The following CLCN6 variants were observed in gnomAD, a reference collection of about 807,000 sequenced individuals.
CLCN6 encodes the protein Cl-/H+ antiporter 6, also known as H(+)/Cl(-) exchange transporter 6.
A neutral mutation model predicts 109.8 loss-of-function variants in CLCN6; 70 were observed. The observed-to-expected ratio is 0.64, with a 90% CI of 0.53 to 0.78. The LOEUF (loss-of-function observed/expected upper bound fraction) is 0.78, where lower values mean the gene tolerates loss of function less well. Ranked by LOEUF, CLCN6 falls within the 30% of genes least tolerant of loss-of-function variation. The probability of loss-of-function intolerance (pLI) is 0.00; values close to 1 mark genes in which losing one functional copy is unlikely to be tolerated. For missense variants in CLCN6, 984 were observed against 1,142.3 expected, an observed-to-expected ratio of 0.86 and a Z score of 2.00; for synonymous variants, 444 against 447.8, an observed-to-expected ratio of 0.99 and a Z score of 0.11.
intron 5 of CLCN6, chr1:11,820,439 T>C: frequency 1.4e-6 from 1 of 711,646 alleles, no homozygotes. Context: ...GGGAATAATT[T>C]CTTAAAACTC....
At chr1:11,829,014 A>G (rs1644848216) in intron 12 of CLCN6, among the ~76,000 whole-genome samples, 182 bp from the exon 13 acceptor site, 1 of 152,210 alleles carries the variant, frequency 6.6e-6, no homozygotes, top group Non-Finnish European at 1.5e-5. Context: ...TCCACTTTTT[A>G]CAAACAAATT....
At chr1:11,808,235 GT>G (rs2100599445) in intron 2 of CLCN6, among the ~76,000 whole-genome samples, 1 of 110,552 alleles carries the variant, frequency 9.0e-6, no homozygotes, top group Non-Finnish European at 1.9e-5. Flanking sequence ...GTTTGTGTGT[GT>G]GTGTGTGTGT....
chr1:11,829,793 C>T (rs1350889827), intron 13 of CLCN6: 1 of 165,748 alleles, frequency 6.0e-6, no homozygotes, highest in Non-Finnish European at 1.3e-5. Flanking sequence ...TGGGAACAAC[C>T]CTGGCATCAC....
In CLCN6 at chr1:11,842,568, T is replaced by C. The variant is rs907795729; in HGVS notation, c.*2345T>C. On this transcript the variant is annotated 3_prime_UTR_variant, in exon 23 of 23. Coordinates refer to ENST00000346436, the MANE Select transcript of CLCN6 (RefSeq NM_001286.5). ...ACCCATTAGCAGCCCCATCACCCAG[T>C]GATCAGTCGCCTCAGTAAAGCAGAT... 1.3e-5 allele frequency: 2 copies of C among 152,720 alleles called. No individual in the cohort carries two copies. Among genetic ancestry groups the C allele is most frequent in the African/African-American group, 4.8e-5 (2 of 41,458 alleles). The allele number at this position is 152,720 out of a possible 1,614,324, so 9.5% of individuals were successfully genotyped here.
At chr1:11,827,422 C>T (rs933371330) in intron 10 of CLCN6, among the ~76,000 whole-genome samples, 8 of 142,176 alleles carry the variant, frequency 5.6e-5, no homozygotes, top group Non-Finnish European at 7.9e-5. Flanking sequence ...CAAATCAAAC[C>T]GCTGTTACTT....
Position 11,806,338 on chromosome 1 carries a change from C to G in CLCN6, c.76C>G (p.Pro26Ala). Residue 26 changes from proline to alanine, a missense_variant, in exon 1 of 23, where the codon CCC (proline) becomes GCC (alanine). Transcript: ENST00000346436. ...CTGCGGTGAGCGTGAGACCCGCACC[C>G]CCGAGGAGCTGGTAAGAAGCCGGCG... is the stretch of plus-strand genomic sequence containing the variant. Reference protein sequence around the residue: ...CCCGERETRTPEELTILGETQ... With the variant: ...CCCGERETRTAEELTILGETQ... The G allele has an allele frequency of 6.6e-7, 1 of 1,516,730 alleles. No individual in the cohort carries two copies. The highest frequency in any genetic ancestry group is 8.7e-7 in the Non-Finnish European group (1 of 1,143,766). 94.0% of individuals were successfully genotyped at this position (1,516,730 alleles called of 1,614,324 possible).
At chr1:11,828,024 A>G in intron 10 of CLCN6, 82 bp from the exon 11 acceptor site, 1 of 990,940 alleles carries the variant, frequency 1.0e-6, no homozygotes, top group African/African-American at 1.6e-5. Flanking sequence ...TGCGTAGAGC[A>G]GTGGGTACCA....
chr1:11,811,383 A>ATT (rs1208240536), intron 2 of CLCN6, among the ~76,000 whole-genome samples: 2 of 146,950 alleles, frequency 1.4e-5, no homozygotes, highest in African/African-American at 2.5e-5. Flanking sequence ...TCCTACAGTC[A>ATT]ATTTTTTTTT....
chr1:11,827,245 C>T (rs749613712), intron 10 of CLCN6, 24 bp downstream of exon 10: 221 of 1,600,316 alleles, frequency 1.4e-4, no homozygotes, highest in Middle Eastern at 1.1e-3. Context: ...TCAGTGAAAG[C>T]ATTAACCACA....
chr1:11,806,612 GAA>G (rs1644515587), intron 1 of CLCN6: 2 of 455,360 alleles, frequency 4.4e-6, no homozygotes, highest in African/African-American at 4.1e-5. Flanking sequence ...ATTTCCATCT[GAA>G]AAGAGTTTGG....
Position 11,834,748 on chromosome 1 carries a change from C to T in CLCN6, c.1793+158C>T, listed in dbSNP as rs1408720805. 2.0e-5 allele frequency among the ~76,000 whole-genome samples: 3 copies of T among 152,132 alleles called. No homozygotes were observed. In the South Asian group the frequency reaches 6.2e-4, roughly 31 times the overall value. On this transcript the variant is annotated intron_variant, in intron 17 of 22. Coordinates refer to ENST00000346436, the MANE Select transcript of CLCN6 (RefSeq NM_001286.5). This position sits in a 1 kb window ranked among gnomAD's most constrained non-coding sequence, Gnocchi z 4.5. ...GCATGTGTGAGAATGTGGAGCAGCC[C>T]ATGGGCTGGGGGCTGCGGGGGCAGG...
chr1:11,806,273 G>A lies in CLCN6; in HGVS notation c.11G>A (p.Cys4Tyr). ...CAGTAAAGGAGGAAGATGGCGGGGT[G>A]CAGGGGGTCTCTGTGCTGCTGCTGC... MAGCRGSLCCCCRW... is the reference protein window; with the variant it reads MAGYRGSLCCCCRW... The change falls in exon 1 of 23, where the codon TGC becomes TAC. Residue 4 changes from cysteine to tyrosine, a missense_variant. By Grantham distance (194) the Cys-to-Tyr change is radical (BLOSUM62 -2). Transcript: ENST00000346436. 6.7e-7 allele frequency: 1 copy of A among 1,487,974 alleles called. No homozygotes were observed. The highest frequency in any genetic ancestry group is 8.9e-7 in the Non-Finnish European group (1 of 1,126,694). 92.2% of individuals were successfully genotyped at this position (1,487,974 alleles called of 1,614,324 possible).
chr1:11,826,080 C>A, intron 8 of CLCN6, 76 bp from the exon 9 acceptor site: 4 of 994,862 alleles, frequency 4.0e-6, no homozygotes, highest in Non-Finnish European at 6.1e-6. Flanking sequence ...TTTTTTTTTT[C>A]CATAATTACT....
intron 2 of CLCN6, among the ~76,000 whole-genome samples, chr1:11,810,258 C>T (rs1190709326): frequency 6.6e-6 from 1 of 152,170 alleles, no homozygotes; most frequent in Non-Finnish European, 1.5e-5. Context: ...ATGTTAGAAT[C>T]CCATTTTGAC....
At chr1:11,809,828 G>T (rs1644575316) in intron 2 of CLCN6, among the ~76,000 whole-genome samples, 1 of 152,226 alleles carries the variant, frequency 6.6e-6, no homozygotes, top group Non-Finnish European at 1.5e-5. Flanking sequence ...CCATCTTCAA[G>T]AATGAGCTTC....
rs1644977586 is a variant in CLCN6, at chr1:11,838,449, A to C, written c.2403+7A>C. 6.2e-7 allele frequency: 1 copy of C among 1,614,056 alleles called. No individual in the cohort carries two copies. Among genetic ancestry groups the C allele is most frequent in the Non-Finnish European group, 8.5e-7 (1 of 1,179,940 alleles). ...CAACCCGCGCATGATCGTGGTGAGA[A>C]GGGCTGCCCCGGCCTGTCCCATGCG... On this transcript the variant is annotated splice_region_variant and intron_variant, in intron 21 of 22. Coordinates refer to ENST00000346436, the MANE Select transcript of CLCN6 (RefSeq NM_001286.5).
At chr1:11,816,565 T>C in intron 3 of CLCN6, 50 bp from the exon 4 acceptor site, 1 of 1,549,808 alleles carries the variant, frequency 6.5e-7, no homozygotes, top group Non-Finnish European at 8.8e-7. Flanking sequence ...TTTCTTCCCC[T>C]CTGCCACCAT....
chr1:11,834,775 C>CA lies in CLCN6; in HGVS notation c.1793+186dup, dbSNP rs1199307750. ...TGGGCTGGGGGCTGCGGGGGCAGGG[C>CA]AGGGGACACGGGCACTGTGGGACTG... is the stretch of plus-strand genomic sequence containing the variant. On this transcript the variant is annotated intron_variant, in intron 17 of 22. Transcript: ENST00000346436. The surrounding 1 kb of genome is among the most constrained non-coding windows in gnomAD (Gnocchi z 4.5). Among the ~76,000 whole-genome samples the CA allele has an allele frequency of 6.6e-6, 1 of 152,114 alleles. No homozygotes were observed. Among genetic ancestry groups the CA allele is most frequent in the South Asian group, 2.1e-4 (1 of 4,830 alleles).
chr1:11,809,479 G>A (rs1644569405), intron 2 of CLCN6, among the ~76,000 whole-genome samples: 2 of 152,124 alleles, frequency 1.3e-5, no homozygotes, highest in Non-Finnish European at 2.9e-5. Context: ...TTGAGACAGA[G>A]TCTCACTCTG....
Sources: gnomAD v4.1 joint callset for allele counts (sites outside exome capture counted in the v4.1 genomes callset) on GRCh38, gnomAD v4.1.1 for gene constraint, Gnocchi (gnomAD v3.1) non-coding constraint, MANE v1.5 for transcripts, NCBI Gene and HGNC (gene_info 2026-07-23, HGNC 2026-07-21) for gene names.